Variants in SDK1 observed in about 807,000 individuals in gnomAD.
SDK1 encodes the protein sidekick cell adhesion molecule 1, also known as protein sidekick-1.
A neutral mutation model predicts 245.5 loss-of-function variants in SDK1; 157 were observed. The observed-to-expected ratio is 0.64, with a 90% CI of 0.56 to 0.73. The LOEUF (loss-of-function observed/expected upper bound fraction) is 0.73. SDK1 is among the 30% of genes least tolerant of loss of function. SDK1 has a pLI of 0.00. For missense variants in SDK1, 3,583 were observed against 3,002.3 expected, an observed-to-expected ratio of 1.19 and a Z score of -4.52; for synonymous variants, 1,647 against 1,278.5, an observed-to-expected ratio of 1.29 and a Z score of -6.15.
At position 3,301,643 on chromosome 7, in the gene SDK1, C is replaced by T. The variant is rs1241692941; in HGVS notation, c.57C>T (p.Pro19=). ...AAGGGGGGAE[P]PERAGPGRPR... ...GTGGCGGCGGCGGCGGCGCGGAGCC[C>T]CCTGAGCGCGCGGGCCCCGGGCGGC... The change falls in exon 1 of 45, where the codon CCC becomes CCT. Residue 19 remains proline, a synonymous_variant. Coordinates refer to ENST00000404826, the MANE Select transcript of SDK1 (RefSeq NM_152744.4). 18 of 977,296 alleles carry T rather than the reference C, an allele frequency of 1.8e-5. No homozygotes were observed. Among genetic ancestry groups the T allele is most frequent in the African/African-American group, 1.8e-5 (1 of 56,158 alleles). 60.5% of individuals were successfully genotyped at this position (977,296 alleles called of 1,614,324 possible). A position where few individuals can be genotyped will look rare whatever the true frequency, so the allele number is the denominator to read the frequency against.
intron 4 of SDK1, among the ~76,000 whole-genome samples, chr7:3,651,552 C>T (rs1043626516): frequency 6.6e-6 from 1 of 151,946 alleles, no homozygotes; most frequent in African/African-American, 2.4e-5. Context: ...GAAGGAAGGC[C>T]AAGAGATCTA....
intron 1 of SDK1, among the ~76,000 whole-genome samples, chr7:3,486,384 G>T (rs1781694928): frequency 6.6e-6 from 1 of 151,884 alleles, no homozygotes; most frequent in Admixed American, 6.6e-5. Flanking sequence ...AAATGTGCTG[G>T]TATTTTTGTT....
At position 3,661,072 on chromosome 7, in the gene SDK1, C is replaced by A. The variant is rs114682056; in HGVS notation, c.713+18967C>A. 6.9e-3 allele frequency among the ~76,000 whole-genome samples: 1,049 copies of A among 152,246 alleles called. 13 individuals carry two copies. Among genetic ancestry groups the A allele is most frequent in the African/African-American group, 0.024 (997 of 41,548 alleles). On this transcript the variant is annotated intron_variant, in intron 4 of 44. Transcript: ENST00000404826. ...CATTTCAACACCTATCTCTCACTCTCTAAAATCATTGAGAATCCGTTATTG... is the reference window on the plus strand; with the variant it reads ...CATTTCAACACCTATCTCTCACTCTATAAAATCATTGAGAATCCGTTATTG...
At chr7:3,591,354 T>A (rs1780869351) in intron 1 of SDK1, among the ~76,000 whole-genome samples, 1 of 152,236 alleles carries the variant, frequency 6.6e-6, no homozygotes. Context: ...ATGACCTAGC[T>A]GTTAATTTAG....
chr7:3,695,743 C>A (rs1784551326), intron 4 of SDK1, among the ~76,000 whole-genome samples: 1 of 152,114 alleles, frequency 6.6e-6, no homozygotes, highest in Non-Finnish European at 1.5e-5. Flanking sequence ...ACTTATTATT[C>A]CGGTGACATA....
intron 40 of SDK1, among the ~76,000 whole-genome samples, chr7:4,224,853 T>G (rs773669949): frequency 2.0e-5 from 3 of 151,454 alleles, no homozygotes; most frequent in African/African-American, 4.9e-5. Context: ...TGTGGTGGCA[T>G]GCACCTATAG....
chr7:3,820,732 C>T (rs1779624247), intron 4 of SDK1, among the ~76,000 whole-genome samples: 1 of 152,324 alleles, frequency 6.6e-6, no homozygotes, highest in African/African-American at 2.4e-5. Flanking sequence ...AACTTAACTT[C>T]TGTGAGCCTC....
intron 1 of SDK1, among the ~76,000 whole-genome samples, chr7:3,590,365 G>C (rs570334243): frequency 7.9e-6 from 1 of 126,714 alleles, no homozygotes; most frequent in Non-Finnish European, 1.6e-5. Flanking sequence ...AAATACAATA[G>C]CAAAGACAAA....
chr7:3,566,100 C>T (rs796071575), intron 1 of SDK1, among the ~76,000 whole-genome samples: 1 of 151,830 alleles, frequency 6.6e-6, no homozygotes, highest in African/African-American at 2.4e-5. Flanking sequence ...CCAAGATTAT[C>T]TGAGTAAATA....
chr7:3,584,897 T>G (rs1780634870), intron 1 of SDK1, among the ~76,000 whole-genome samples: 2 of 152,130 alleles, frequency 1.3e-5, no homozygotes, highest in South Asian at 4.2e-4. Context: ...CTAATTTTTT[T>G]GTATTTTTAG....
intron 23 of SDK1, among the ~76,000 whole-genome samples, chr7:4,112,724 C>A (rs79669416): frequency 1.3e-5 from 2 of 150,958 alleles, no homozygotes; most frequent in Non-Finnish European, 2.9e-5. Flanking sequence ...TCTTTGAAGT[C>A]TTTTAGGGGA....
intron 5 of SDK1, among the ~76,000 whole-genome samples, chr7:3,833,372 C>T (rs1451283469): frequency 6.6e-6 from 1 of 152,158 alleles, no homozygotes; most frequent in African/African-American, 2.4e-5. Context: ...CTTTCTCCAA[C>T]AGGATGTCAC....
intron 1 of SDK1, among the ~76,000 whole-genome samples, chr7:3,324,392 C>A (rs1398658158): frequency 6.6e-6 from 1 of 152,118 alleles, no homozygotes; most frequent in East Asian, 1.9e-4. Flanking sequence ...CTCAATAGCT[C>A]CCTTAAAGGC....
intron 1 of SDK1, among the ~76,000 whole-genome samples, chr7:3,418,107 CCTGGGCA>C (rs1284918342): frequency 7.1e-6 from 1 of 141,718 alleles, no homozygotes; most frequent in East Asian, 2.0e-4. Context: ...TCAAGACCAG[CCTGGGCA>C]ACAAGGTGAA....
At chr7:3,556,801 T>A (rs561260165) in intron 1 of SDK1, among the ~76,000 whole-genome samples, 11 of 151,960 alleles carry the variant, frequency 7.2e-5, no homozygotes, top group Non-Finnish European at 1.5e-4. Context: ...TTCAAATAAA[T>A]AAATAAAAAT....
At chr7:4,148,514 A>G (rs962466462) in intron 29 of SDK1, among the ~76,000 whole-genome samples, 17 of 152,334 alleles carry the variant, frequency 1.1e-4, no homozygotes, top group Middle Eastern at 3.4e-3. Context: ...AGCACTGAGT[A>G]GATGCCGTAG....
chr7:3,430,873 G>A (rs1249977842), intron 1 of SDK1, among the ~76,000 whole-genome samples: 2 of 152,104 alleles, frequency 1.3e-5, no homozygotes, highest in Non-Finnish European at 2.9e-5. Flanking sequence ...CAGCTTTCCT[G>A]CCTCTGGCTC....
chr7:3,656,080 T>A (rs1408337547), intron 4 of SDK1, among the ~76,000 whole-genome samples: 2 of 152,194 alleles, frequency 1.3e-5, no homozygotes, highest in Non-Finnish European at 2.9e-5. Context: ...CACATTAGTA[T>A]TCACAGCCAG....
intron 19 of SDK1, among the ~76,000 whole-genome samples, chr7:4,064,234 A>T (rs1007488621): frequency 6.6e-6 from 1 of 152,302 alleles, no homozygotes; most frequent in East Asian, 1.9e-4. Flanking sequence ...AACAGTTTAA[A>T]AAATCTCATT....
Sources: allele counts gnomAD v4.1 joint callset (sites outside exome capture counted in the v4.1 genomes callset), GRCh38; gene constraint gnomAD v4.1.1; transcripts MANE v1.5; gene names NCBI Gene and HGNC (gene_info 2026-07-23, HGNC 2026-07-21).